RAB43: variants seen among roughly 807,000 people sequenced by gnomAD.
RAB43 encodes RAB43, member RAS oncogene family, also known as ras-related protein Rab-43.
RAB43 carries 6 observed loss-of-function variants against 18.8 expected under a neutral mutation model. The observed-to-expected ratio is 0.32, with a 90% CI of 0.17 to 0.63. RAB43 has a LOEUF of 0.63. Among genes scored for constraint, RAB43 ranks in the 30% least tolerant of loss-of-function variants. The probability of loss-of-function intolerance (pLI) is 0.79; values close to 1 mark genes in which losing one functional copy is unlikely to be tolerated. For synonymous variants in RAB43, 103 were observed against 124.1 expected, an observed-to-expected ratio of 0.83 and a Z score of 1.13; for missense variants, 195 against 289.1, an observed-to-expected ratio of 0.67 and a Z score of 2.36.
intron 1 of RAB43, among the ~76,000 whole-genome samples, chr3:129,115,326 A>T (rs548452523): frequency 6.9e-6 from 1 of 145,496 alleles, no homozygotes; most frequent in Non-Finnish European, 1.5e-5. Flanking sequence ...TGTCTCTACT[A>T]AAAAAAAAAC....
chr3:129,118,727 A>G (rs1935707551), intron 1 of RAB43, among the ~76,000 whole-genome samples: 1 of 152,170 alleles, frequency 6.6e-6, no homozygotes, highest in Non-Finnish European at 1.5e-5. Flanking sequence ...ACGTCTCACT[A>G]TGCTGGCCAG....
At chr3:129,102,508 T>C (rs1460101854) in intron 1 of RAB43, among the ~76,000 whole-genome samples, 1 of 151,476 alleles carries the variant, frequency 6.6e-6, no homozygotes, top group East Asian at 1.9e-4. Flanking sequence ...CGGTCGCCTG[T>C]AGTCCCAGCT....
At chr3:129,113,169 TA>T (rs201208468) in intron 1 of RAB43, among the ~76,000 whole-genome samples, 8,424 of 146,052 alleles carry the variant, frequency 0.058, 393 homozygotes, top group East Asian at 0.2. Flanking sequence ...TTATTATTAT[TA>T]TTTTTTTTTT....
At chr3:129,111,243 A>G (rs1290501056) in intron 1 of RAB43, among the ~76,000 whole-genome samples, 1 of 151,930 alleles carries the variant, frequency 6.6e-6, no homozygotes, top group Non-Finnish European at 1.5e-5. Flanking sequence ...GGCTGGGCGC[A>G]GTGGCTCATG....
chr3:129,114,504 G>A (rs1935393664), intron 1 of RAB43, among the ~76,000 whole-genome samples: 3 of 152,186 alleles, frequency 2.0e-5, no homozygotes, highest in African/African-American at 7.2e-5. Flanking sequence ...AACAACTCAT[G>A]AGAAAAGCGA....
chr3:129,109,752 A>G (rs1935029480), intron 1 of RAB43, among the ~76,000 whole-genome samples: 1 of 151,280 alleles, frequency 6.6e-6, no homozygotes, highest in Non-Finnish European at 1.5e-5. Context: ...AAATAATAAT[A>G]ATAATAATAA....
chr3:129,118,866 C>A (rs1039542530), intron 1 of RAB43, among the ~76,000 whole-genome samples: 2 of 152,176 alleles, frequency 1.3e-5, no homozygotes, highest in Non-Finnish European at 2.9e-5. Context: ...TGTGCACTTG[C>A]TTTCCACAGA....
At chr3:129,091,766 A>G (rs903331251) in intron 2 of RAB43, among the ~76,000 whole-genome samples, 2 of 144,106 alleles carry the variant, frequency 1.4e-5, no homozygotes, top group African/African-American at 5.2e-5. Context: ...TAAGGAAGAC[A>G]AAAAAAAAAA....
At chr3:129,109,896 A>C (rs1258896343) in intron 1 of RAB43, among the ~76,000 whole-genome samples, 1 of 149,278 alleles carries the variant, frequency 6.7e-6, no homozygotes, top group African/African-American at 2.5e-5. Context: ...ACAGGCTCTC[A>C]CTCTGTCACT....
intron 1 of RAB43, among the ~76,000 whole-genome samples, chr3:129,111,897 G>C (rs562237457): frequency 4.6e-5 from 7 of 152,152 alleles, no homozygotes; most frequent in South Asian, 4.1e-4. Flanking sequence ...CTGACACTAA[G>C]ATCCATTTTT....
chr3:129,111,351 CT>C (rs2108020632), intron 1 of RAB43, among the ~76,000 whole-genome samples: 1 of 152,060 alleles, frequency 6.6e-6, no homozygotes, highest in East Asian at 1.9e-4. Flanking sequence ...CTCATCTCTA[CT>C]AAAAATATAA....
chr3:129,120,577 G>A (rs906575597), intron 1 of RAB43, among the ~76,000 whole-genome samples: 1 of 151,880 alleles, frequency 6.6e-6, no homozygotes, highest in Non-Finnish European at 1.5e-5. Context: ...GGACATTGTG[G>A]CAACCACATC....
At chr3:129,108,289 C>T (rs1934917234) in intron 1 of RAB43, among the ~76,000 whole-genome samples, 1 of 152,234 alleles carries the variant, frequency 6.6e-6, no homozygotes, top group South Asian at 2.1e-4. Context: ...ATGGCCCTGC[C>T]TTCCAGGAAC....
chr3:129,098,703 A>C (rs184504616), intron 1 of RAB43, among the ~76,000 whole-genome samples: 2 of 152,370 alleles, frequency 1.3e-5, no homozygotes, highest in African/African-American at 4.8e-5. Flanking sequence ...TAATGAGTGG[A>C]CGAATAGGGG....
intron 1 of RAB43, among the ~76,000 whole-genome samples, chr3:129,097,061 C>T (rs772714605): frequency 2.0e-5 from 3 of 151,778 alleles, no homozygotes; most frequent in Non-Finnish European, 4.4e-5. Context: ...TCCAGTGAGC[C>T]GAGATCACGC....
chr3:129,094,505 CTTTTTTTTTTTTTT>C (rs200896936), intron 2 of RAB43, among the ~76,000 whole-genome samples: 4,436 of 69,424 alleles, frequency 0.064, 264 homozygotes, highest in South Asian at 0.22. Flanking sequence ...ATATAACTTT[CTTTTTTTTTTTTTT>C]TTTTTTTTTT....
chr3:129,092,983 A>T (rs1933781435), intron 2 of RAB43, among the ~76,000 whole-genome samples: 1 of 150,132 alleles, frequency 6.7e-6, no homozygotes, highest in African/African-American at 2.4e-5. Flanking sequence ...CTATAATAGA[A>T]TGTTTTTTAA....
chr3:129,091,362 G>A lies in RAB43; in HGVS notation c.389-16C>T, dbSNP rs185160960. On this transcript the variant is annotated splice_polypyrimidine_tract_variant and intron_variant, in intron 2 of 2. Coordinates refer to ENST00000315150, the MANE Select transcript of RAB43 (RefSeq NM_198490.3). ...GACTTGTTCCCTGCGGAGGAAAGCC[G>A]GGGCAGCATGAGGCCATGGGGGCTG... is the stretch of plus-strand genomic sequence containing the variant. 9.7e-5 allele frequency: 156 copies of A among 1,603,612 alleles called. No individual in the cohort carries two copies. The African/African-American group carries it at 1.6e-3, about 16-fold the overall frequency.
intron 1 of RAB43, among the ~76,000 whole-genome samples, chr3:129,112,963 C>A (rs1463329592): frequency 6.6e-6 from 1 of 151,864 alleles, no homozygotes. Flanking sequence ...GTTGTCCAGG[C>A]TTCTTTTGAC....
Sources: gnomAD v4.1 joint callset for allele counts (sites outside exome capture counted in the v4.1 genomes callset) on GRCh38, gnomAD v4.1.1 for gene constraint, MANE v1.5 for transcripts, NCBI Gene and HGNC (gene_info 2026-07-23, HGNC 2026-07-21) for gene names.